LRP1B: variants seen among roughly 807,000 people sequenced by gnomAD.
LRP1B encodes low-density lipoprotein receptor-related protein 1B.
In LRP1B, 217 loss-of-function variants were observed where a neutral mutation model predicts 556.6. The observed-to-expected ratio is 0.39, with a 90% confidence interval of 0.35 to 0.44. LRP1B has a LOEUF of 0.44. Ranked by LOEUF, LRP1B falls within the 20% of genes least tolerant of loss-of-function variation. The probability of loss-of-function intolerance (pLI) is 1.00; values close to 1 mark genes in which losing one functional copy is unlikely to be tolerated. For missense variants in LRP1B, 5,053 were observed against 5,620.8 expected, an observed-to-expected ratio of 0.90 and a Z score of 3.23; for synonymous variants, 2,047 against 1,865.8, an observed-to-expected ratio of 1.10 and a Z score of -2.50.
chr2:141,393,719 T>C (rs146633453), intron 3 of LRP1B, among the ~76,000 whole-genome samples: 230 of 152,040 alleles, frequency 1.5e-3, no homozygotes, highest in African/African-American at 5.3e-3. Context: ...AGACAAGTTG[T>C]ACAGAAAAGC....
rs1558947506 is a variant in LRP1B at position 141,229,419 on chromosome 2, A to G, written c.614T>C (p.Ile205Thr). The change falls in exon 6 of 91, where the codon ATA becomes ACA. Residue 205 changes from isoleucine (I) to threonine (T), a missense_variant. This residue lies in a region of LRP1B where 3,619 missense variants were observed against 3,931.9 expected (regional missense o/e 0.92). Coordinates refer to ENST00000389484, the MANE Select transcript of LRP1B (RefSeq NM_018557.3). ...AKIEPTDRPP[I>T]LLIANFETIE... ...TGTTTCAAAATTTGCAATTAATAGT[A>G]TAGGTGGTCTATCTGTAGGTTCTGG... The G allele has an allele frequency of 6.3e-7, 1 of 1,583,842 alleles. No individual in the cohort carries two copies. Among genetic ancestry groups the G allele is most frequent in the Non-Finnish European group, 8.7e-7 (1 of 1,154,448 alleles).
chr2:141,110,760 C>A (rs2104965168), intron 7 of LRP1B, among the ~76,000 whole-genome samples: 1 of 152,030 alleles, frequency 6.6e-6, no homozygotes, highest in African/African-American at 2.4e-5. Flanking sequence ...TCAAACCACA[C>A]CTAAGAGGGG....
intron 2 of LRP1B, among the ~76,000 whole-genome samples, chr2:141,752,652 G>A (rs1264366005): frequency 6.1e-5 from 9 of 147,600 alleles, no homozygotes; most frequent in Non-Finnish European, 1.5e-5. Context: ...ATCTTGGGTG[G>A]TGTGTGTGTG....
rs187416409 is a variant in LRP1B, at chr2:142,081,136, A to G, written c.82+49512T>C. On this transcript the variant is annotated intron_variant, in intron 1 of 90. Coordinates refer to ENST00000389484, the MANE Select transcript of LRP1B (RefSeq NM_018557.3). ...ATGGAGTTAAAGAGAAGTAATAAAT[A>G]AAGTTGAATGGAAATAAAATGAGTT... is the stretch of plus-strand genomic sequence containing the variant. Among the ~76,000 whole-genome samples, 606 of 152,316 alleles carry G rather than the reference A, an allele frequency of 4.0e-3. 4 individuals are homozygous for G. Among genetic ancestry groups the G allele is most frequent in the African/African-American group, 0.014 (568 of 41,572 alleles).
Position 141,933,451 on chromosome 2 carries a change from T to G in LRP1B, c.83-123050A>C, listed in dbSNP as rs573432567. ...ACCGAGTTCTGTTTTGAAGGCTTTC[T>G]GGGAATGGGGTCAAGAGATAAAACC... is the stretch of plus-strand genomic sequence containing the variant. On this transcript the variant is annotated intron_variant, in intron 1 of 90. Coordinates refer to ENST00000389484, the MANE Select transcript of LRP1B (RefSeq NM_018557.3). Among the ~76,000 whole-genome samples, 47 of 152,208 alleles carry G rather than the reference T, an allele frequency of 3.1e-4. 1 individual carries two copies. Among genetic ancestry groups the G allele is most frequent in the Middle Eastern group, 3.4e-3 (1 of 294 alleles).
rs1221806170 is a variant in LRP1B, at chr2:140,479,919, T to C, written c.9426-4582A>G. Among the ~76,000 whole-genome samples the C allele has an allele frequency of 3.3e-5, 5 of 152,218 alleles. No individual in the cohort carries two copies. In the East Asian group the frequency reaches 7.7e-4, roughly 23 times the overall value. On this transcript the variant is annotated intron_variant, in intron 59 of 90. Coordinates refer to ENST00000389484, the MANE Select transcript of LRP1B (RefSeq NM_018557.3). Reference sequence around the variant, plus strand: ...CCTTATGACTCTTCTCTTTGAAACATGCAGGTTATTAACGTACCAATGTAT... The same window carrying C: ...CCTTATGACTCTTCTCTTTGAAACACGCAGGTTATTAACGTACCAATGTAT...
intron 31 of LRP1B, among the ~76,000 whole-genome samples, chr2:140,834,941 A>C (rs936242872): frequency 6.6e-6 from 1 of 152,204 alleles, no homozygotes; most frequent in Non-Finnish European, 1.5e-5. Flanking sequence ...GTTTTAAAAT[A>C]AGCATATCTG....
intron 3 of LRP1B, among the ~76,000 whole-genome samples, chr2:141,423,688 T>C (rs1335338252): frequency 1.3e-5 from 2 of 152,178 alleles, no homozygotes; most frequent in African/African-American, 2.4e-5. Context: ...ACTGTGCCTG[T>C]AGTAGATTAA....
chr2:142,060,962 G>A (rs1704883435), intron 1 of LRP1B, among the ~76,000 whole-genome samples: 1 of 151,960 alleles, frequency 6.6e-6, no homozygotes. Context: ...CTGTCCTAGA[G>A]TAAGCTTTTA....
intron 41 of LRP1B, among the ~76,000 whole-genome samples, chr2:140,642,617 G>A (rs1016349219): frequency 2.6e-5 from 4 of 152,026 alleles, no homozygotes; most frequent in South Asian, 2.1e-4. Flanking sequence ...CGAGATGGGC[G>A]GATCACGAAG....
At chr2:140,639,026 T>C (rs1321390922) in intron 41 of LRP1B, among the ~76,000 whole-genome samples, 1 of 152,060 alleles carries the variant, frequency 6.6e-6, no homozygotes, top group Non-Finnish European at 1.5e-5. Context: ...TTATTATTCT[T>C]TTCCCAAGCT....
At chr2:140,939,698 A>AACC (rs575582754) in intron 20 of LRP1B, among the ~76,000 whole-genome samples, 216 of 151,620 alleles carry the variant, frequency 1.4e-3, no homozygotes, top group African/African-American at 5.0e-3. Flanking sequence ...GAAGGTATTA[A>AACC]AGAACAATGA....
At chr2:141,029,558 A>G (rs1032318338) in intron 11 of LRP1B, among the ~76,000 whole-genome samples, 5 of 152,138 alleles carry the variant, frequency 3.3e-5, no homozygotes, top group East Asian at 3.9e-4. Flanking sequence ...TGCTGTTTGC[A>G]TAATGCCGGC....
At chr2:140,307,449 A>G (rs1047862774) in intron 83 of LRP1B, among the ~76,000 whole-genome samples, 1 of 151,880 alleles carries the variant, frequency 6.6e-6, no homozygotes, top group Non-Finnish European at 1.5e-5. Flanking sequence ...CTTGCTAAGA[A>G]GCTTCATATA....
At chr2:140,956,375 T>C (rs1695873384) in intron 18 of LRP1B, among the ~76,000 whole-genome samples, 1 of 151,828 alleles carries the variant, frequency 6.6e-6, no homozygotes, top group Admixed American at 6.6e-5. Context: ...AGAGTATTTA[T>C]AGCTTAGAAA....
intron 1 of LRP1B, among the ~76,000 whole-genome samples, chr2:141,892,334 C>T (rs1474523730): frequency 6.6e-6 from 1 of 151,706 alleles, no homozygotes; most frequent in Non-Finnish European, 1.5e-5. Flanking sequence ...ATTTAACTTG[C>T]TTGAAATAAG....
intron 2 of LRP1B, among the ~76,000 whole-genome samples, chr2:141,716,107 A>G (rs896923532): frequency 1.3e-5 from 2 of 152,216 alleles, no homozygotes; most frequent in African/African-American, 4.8e-5. Flanking sequence ...TCTTTCAGGT[A>G]GGACACAGCA....
chr2:140,241,393 G>T (rs1680941359), intron 87 of LRP1B, among the ~76,000 whole-genome samples: 1 of 150,598 alleles, frequency 6.6e-6, no homozygotes, highest in Non-Finnish European at 1.5e-5. Flanking sequence ...AAATTGGTGG[G>T]TGTAAAATAC....
At chr2:141,364,496 A>G (rs1221670472) in intron 3 of LRP1B, among the ~76,000 whole-genome samples, 2 of 152,198 alleles carry the variant, frequency 1.3e-5, no homozygotes, top group African/African-American at 4.8e-5. Flanking sequence ...GTCAATTAAT[A>G]TAAAGGAACT....
Sources: gnomAD v4.1 joint callset for allele counts (sites outside exome capture counted in the v4.1 genomes callset) on GRCh38, gnomAD v4.1.1 for gene constraint, gnomAD v4.1.1 regional missense constraint, MANE v1.5 for transcripts, NCBI Gene and HGNC (gene_info 2026-07-23, HGNC 2026-07-21) for gene names.